Variants in MYO9B observed in about 807,000 individuals in gnomAD.
The protein encoded by MYO9B is unconventional myosin-IXb.
A neutral mutation model predicts 229.5 loss-of-function variants in MYO9B; 71 were observed. The observed-to-expected ratio is 0.31, with a 90% CI of 0.26 to 0.38. MYO9B has a LOEUF of 0.38. Ranked by LOEUF, MYO9B falls within the 10% of genes least tolerant of loss-of-function variation. The pLI is 1.00. For synonymous variants in MYO9B, 1,185 were observed against 1,235.8 expected (o/e 0.96, Z 0.86); for missense variants, 2,255 against 2,920.5 (o/e 0.77, Z 5.25).
chr19:17,105,384 A>G lies in MYO9B; in HGVS notation c.840+2827A>G, dbSNP rs140956196. On this transcript the variant is annotated intron_variant, in intron 2 of 39. Coordinates refer to ENST00000682292, the MANE Select transcript of MYO9B (RefSeq NM_004145.4). The stretch of plus-strand genomic sequence containing the variant: ...GTGGTGTTTGCCTGTGGTCCCCCCT[A>G]CGTGGGAGTCTGAGGCAGGAGAATC... Among the ~76,000 whole-genome samples, 244 of 150,302 alleles carry G rather than the reference A, an allele frequency of 1.6e-3. 1 individual carries two copies. The highest frequency in any genetic ancestry group is 5.8e-3 in the African/African-American group (236 of 40,842).
chr19:17,197,046 C>T (rs1362110162), intron 22 of MYO9B, among the ~76,000 whole-genome samples: 2 of 151,882 alleles, frequency 1.3e-5, no homozygotes, highest in South Asian at 2.1e-4. Flanking sequence ...GAGGCTGAGG[C>T]GGGTGGATCA....
intron 2 of MYO9B, among the ~76,000 whole-genome samples, chr19:17,121,667 A>G (rs1472695768): frequency 6.6e-6 from 1 of 152,090 alleles, no homozygotes; most frequent in Non-Finnish European, 1.5e-5. Flanking sequence ...CTTTCTTTAC[A>G]TGTGCAAATG....
chr19:17,154,068 T>TAAA lies in MYO9B; in HGVS notation c.1098+3_1098+5dup, dbSNP rs1387174242. 6.2e-7 allele frequency: 1 copy of TAAA among 1,609,666 alleles called. No homozygotes were observed. The highest frequency in any genetic ancestry group is 8.5e-7 in the Non-Finnish European group (1 of 1,178,684). Reference sequence around the variant, plus strand: ...GAAGATTATTTCTACCTCAACCAGGTAAACAGCCTCAAGCCCGAGCCACAA... The same window carrying TAAA: ...GAAGATTATTTCTACCTCAACCAGGTAAAAAACAGCCTCAAGCCCGAGCCACAA... On this transcript the variant is annotated splice_region_variant and intron_variant, in intron 5 of 39. Coordinates refer to ENST00000682292, the MANE Select transcript of MYO9B (RefSeq NM_004145.4).
intron 30 of MYO9B, 96 bp from the exon 31 acceptor site, chr19:17,205,167 G>GAAT: frequency 3.8e-5 from 27 of 713,110 alleles, no homozygotes; most frequent in Non-Finnish European, 4.8e-5. Flanking sequence ...AAAAAAAAAA[G>GAAT]AAGGCAATTG....
At chr19:17,089,358 GTC>G (rs2057615043) in intron 1 of MYO9B, among the ~76,000 whole-genome samples, 1 of 152,116 alleles carries the variant, frequency 6.6e-6, no homozygotes, top group South Asian at 2.1e-4. Context: ...TCCTAAATGA[GTC>G]TGCTGTAATG....
chr19:17,183,720 CTCTCTCTGTG>C, intron 15 of MYO9B, 99 bp from the exon 16 acceptor site: 1 of 900,938 alleles, frequency 1.1e-6, no homozygotes, highest in Non-Finnish European at 1.7e-6. Context: ...ACTCTCTCCC[CTCTCTCTGTG>C]TCTCTCAGTC....
At chr19:17,142,310 G>A (rs1455718260) in intron 2 of MYO9B, among the ~76,000 whole-genome samples, 1 of 152,140 alleles carries the variant, frequency 6.6e-6, no homozygotes, top group Admixed American at 6.6e-5. Context: ...CTAGGGGAGG[G>A]AAATGGGGAG....
At chr19:17,198,467 G>A (rs758558052) in intron 24 of MYO9B, among the ~76,000 whole-genome samples, 159 bp downstream of exon 24, 4 of 152,188 alleles carry the variant, frequency 2.6e-5, no homozygotes, top group Non-Finnish European at 4.4e-5. Context: ...CCAGGCAGTG[G>A]CTCACGCCTA....
chr19:17,145,389 C>G lies in MYO9B; in HGVS notation c.841-8C>G. On this transcript the variant is annotated splice_region_variant and splice_polypyrimidine_tract_variant and intron_variant, in intron 2 of 39. Transcript: ENST00000682292. ...CTGATCTGAAACCTGCTTTTGATTT[C>G]CTTGCAGGCTTTTGGAAATGCCAAG... is the stretch of plus-strand genomic sequence containing the variant. 1.2e-6 allele frequency: 2 copies of G among 1,613,424 alleles called. No individual in the cohort carries two copies. Among genetic ancestry groups the G allele is most frequent in the Non-Finnish European group, 1.7e-6 (2 of 1,179,396 alleles).
At chr19:17,107,244 C>CA (rs1228482175) in intron 2 of MYO9B, among the ~76,000 whole-genome samples, 2 of 151,898 alleles carry the variant, frequency 1.3e-5, no homozygotes, top group South Asian at 2.1e-4. Context: ...AAAAAAATAA[C>CA]AAAAAAAATT....
Position 17,172,249 on chromosome 19 carries a change from C to G in MYO9B, c.1794-87C>G. On this transcript the variant is annotated intron_variant, in intron 11 of 39. Transcript: ENST00000682292. The surrounding 1 kb of genome is among the most constrained non-coding windows in gnomAD (Gnocchi z 8.2). ...GCCCACCCCATGCACCCACCCACCT[C>G]GTGCACCAGGGGTCTGCAAGATAAA... 2 of 1,524,288 alleles carry G rather than the reference C, an allele frequency of 1.3e-6. No homozygotes were observed. Among genetic ancestry groups the G allele is most frequent in the Non-Finnish European group, 1.8e-6 (2 of 1,127,636 alleles). The allele number at this position is 1,524,288 out of a possible 1,614,324, so 94.4% of individuals were successfully genotyped here. A position where few individuals can be genotyped will look rare whatever the true frequency, so the allele number is the denominator to read the frequency against.
chr19:17,110,543 G>C (rs887679416), intron 2 of MYO9B, among the ~76,000 whole-genome samples: 1 of 152,226 alleles, frequency 6.6e-6, no homozygotes, highest in Non-Finnish European at 1.5e-5. Flanking sequence ...GCTGAGTCCA[G>C]GGGGCCAAAG....
chr19:17,200,073 A>T (rs1167656429), intron 24 of MYO9B, among the ~76,000 whole-genome samples: 1 of 151,980 alleles, frequency 6.6e-6, no homozygotes, highest in East Asian at 1.9e-4. Flanking sequence ...GGGTTTTGCC[A>T]TGTTGGCCAG....
Position 17,212,999 on chromosome 19 carries a change from T to C in MYO9B, c.*689T>C, listed in dbSNP as rs1322756995. ...CATGGACCTCACGTGCCAGGGAGAC[T>C]TGAATGTGGCTGTCACTCTTCCGGA... is the stretch of plus-strand genomic sequence containing the variant. On this transcript the variant is annotated 3_prime_UTR_variant, in exon 40 of 40. Coordinates refer to ENST00000682292, the MANE Select transcript of MYO9B (RefSeq NM_004145.4). The surrounding 1 kb of genome is among the most constrained non-coding windows in gnomAD (Gnocchi z 5.4). 1 of 152,328 alleles carries C rather than the reference T, an allele frequency of 6.6e-6. No homozygotes were observed. Among genetic ancestry groups the C allele is most frequent in the Non-Finnish European group, 1.5e-5 (1 of 68,114 alleles). The allele number at this position is 152,328 out of a possible 1,614,324, so 9.4% of individuals were successfully genotyped here.
intron 2 of MYO9B, among the ~76,000 whole-genome samples, chr19:17,141,348 G>C (rs186136804): frequency 6.6e-6 from 1 of 152,120 alleles, no homozygotes; most frequent in Admixed American, 6.6e-5. Flanking sequence ...GGGTGGCCCA[G>C]CCTCTCAAAT....
At chr19:17,122,272 C>G (rs543339556) in intron 2 of MYO9B, among the ~76,000 whole-genome samples, 2 of 152,308 alleles carry the variant, frequency 1.3e-5, no homozygotes, top group Admixed American at 1.3e-4. Flanking sequence ...GGCGCAGTGG[C>G]TCAGGCCTGT....
rs1243518728 is a variant in MYO9B, at chr19:17,207,306, G to T, written c.5624+62G>T. ...CAGCCCCACCCAGGACCCCACGACA[G>T]CTCCATCCATCCCTGTGTAAATAAA... On this transcript the variant is annotated intron_variant, in intron 35 of 39. Transcript: ENST00000682292. The T allele has an allele frequency of 1.9e-6, 3 of 1,550,436 alleles. No homozygotes were observed. The East Asian group carries it at 7.2e-5, about 37-fold the overall frequency.
rs1209039239 is a variant in MYO9B, at chr19:17,162,416, C to T, written c.1486C>T (p.Arg496Trp). The change falls in exon 9 of 40, where the codon CGG becomes TGG. Residue 496 changes from arginine (R) to tryptophan (W), a missense_variant. Around this residue, in one of 7 missense-constraint regions of MYO9B, gnomAD observed 220 missense variants for 404.5 expected, o/e 0.54. Transcript: ENST00000682292. ...YSALFDWIVL[R>W]INHALLNKKD... ...CGCCCTGTTCGACTGGATTGTGCTG[C>T]GGATCAACCACGCACTCCTCAACAA... 7.6e-6 allele frequency: 12 copies of T among 1,587,440 alleles called. No homozygotes were observed. The highest frequency in any genetic ancestry group is 6.9e-5 in the East Asian group (3 of 43,362).
intron 3 of MYO9B, among the ~76,000 whole-genome samples, chr19:17,152,316 G>C (rs1424672692): frequency 9.2e-5 from 14 of 152,172 alleles, no homozygotes; most frequent in African/African-American, 3.4e-4. Context: ...ACTTTGGGAG[G>C]CCAAGGCGTG....
Sources: gnomAD v4.1 joint callset for allele counts (sites outside exome capture counted in the v4.1 genomes callset) on GRCh38, gnomAD v4.1.1 for gene constraint, gnomAD v4.1.1 regional missense constraint, Gnocchi (gnomAD v3.1) non-coding constraint, MANE v1.5 for transcripts, NCBI Gene and HGNC (gene_info 2026-07-23, HGNC 2026-07-21) for gene names.